RNF130: variants seen among roughly 807,000 people sequenced by gnomAD.
RNF130 encodes the protein ring finger protein 130.
In RNF130, 21 loss-of-function variants were observed where a neutral mutation model predicts 44.6. That is an observed-to-expected ratio of 0.47 (90% CI 0.33 to 0.68). The LOEUF is 0.68. RNF130 is among the 30% of genes least tolerant of loss of function. RNF130 has a pLI of 0.02. For synonymous variants in RNF130, 214 were observed against 210.4 expected, an observed-to-expected ratio of 1.02 and a Z score of -0.15; for missense variants, 479 against 560.6, an observed-to-expected ratio of 0.85 and a Z score of 1.47.
At chr5:179,928,822 G>A (rs1328270371) in intron 7 of RNF130, among the ~76,000 whole-genome samples, 2 of 151,932 alleles carry the variant, frequency 1.3e-5, no homozygotes, top group Non-Finnish European at 2.9e-5. Context: ...TAGAGACGGG[G>A]TTTCAACCGT....
rs779943315 is a variant in RNF130, at chr5:180,071,634, C to G, written c.69G>C (p.Trp23Cys). 9.3e-6 allele frequency: 14 copies of G among 1,497,910 alleles called. No individual in the cohort carries two copies. The Admixed American group carries it at 2.3e-4, about 24-fold the overall frequency. 92.8% of individuals were successfully genotyped at this position (1,497,910 alleles called of 1,614,324 possible). The part of the protein sequence containing the change: ...AALALLTCSL[W>C]PARADNASQE... ...GGCTCGCGTTGTCTGCCCGTGCCGG[C>G]CACAGGCTGCAGGTCAGCAGGGCGA... Residue 23 changes from tryptophan (W) to cysteine (C), a missense_variant, in exon 1 of 9, where the codon TGG (tryptophan) becomes TGC (cysteine). Physicochemically the swap from Trp to Cys is radical, Grantham distance 215 (BLOSUM62 -2). Coordinates refer to ENST00000521389, the MANE Select transcript of RNF130 (RefSeq NM_018434.6).
chr5:179,988,580 T>C (rs1763006229), intron 3 of RNF130, among the ~76,000 whole-genome samples: 1 of 151,940 alleles, frequency 6.6e-6, no homozygotes, highest in Non-Finnish European at 1.5e-5. Flanking sequence ...CTGTATCTTG[T>C]AGGTTTTGGT....
chr5:180,048,521 C>G (rs1414428672), intron 1 of RNF130, among the ~76,000 whole-genome samples: 1 of 151,958 alleles, frequency 6.6e-6, no homozygotes, highest in Non-Finnish European at 1.5e-5. Flanking sequence ...GCCTGTAATC[C>G]CAGCACTTTG....
chr5:180,040,313 C>G, intron 2 of RNF130, 140 bp downstream of exon 2: 1 of 739,584 alleles, frequency 1.4e-6, no homozygotes, highest in Non-Finnish European at 2.2e-6. Flanking sequence ...GGGGAAAAAA[C>G]ATGCATCCCA....
intron 7 of RNF130, 83 bp downstream of exon 7, chr5:179,966,723 C>A (rs754530377): frequency 5.0e-6 from 6 of 1,202,900 alleles, no homozygotes; most frequent in Non-Finnish European, 7.2e-6. Context: ...CAGGCTGAGG[C>A]GAGTGCCTTG....
At chr5:180,031,540 C>T (rs890976857) in intron 2 of RNF130, among the ~76,000 whole-genome samples, 1 of 152,100 alleles carries the variant, frequency 6.6e-6, no homozygotes, top group African/African-American at 2.4e-5. Context: ...AGCTTTTTGA[C>T]TGTGTGGGGG....
chr5:179,935,979 G>A (rs1002191165), intron 7 of RNF130, among the ~76,000 whole-genome samples: 1 of 152,116 alleles, frequency 6.6e-6, no homozygotes, highest in African/African-American at 2.4e-5. Flanking sequence ...CACACATCGA[G>A]CAGCACTTAG....
chr5:179,955,615 T>C lies in RNF130; in HGVS notation c.*39A>G. 2 of 1,561,936 alleles carry C rather than the reference T, an allele frequency of 1.3e-6. No individual in the cohort carries two copies. Among genetic ancestry groups the C allele is most frequent in the East Asian group, 4.5e-5 (2 of 44,494 alleles). Reference sequence around the variant, plus strand: ...TGCACAAAAATAGGTTCTTTTTTCCTTCAAGGCAAAATCAGTCAGAAAGCA... The same window carrying C: ...TGCACAAAAATAGGTTCTTTTTTCCCTCAAGGCAAAATCAGTCAGAAAGCA... On this transcript the variant is annotated 3_prime_UTR_variant, in exon 9 of 9. Transcript: ENST00000521389.
intron 4 of RNF130, among the ~76,000 whole-genome samples, chr5:179,979,152 G>A (rs1762775979): frequency 6.6e-6 from 1 of 151,352 alleles, no homozygotes; most frequent in Admixed American, 6.6e-5. Context: ...TGGCAGCTGA[G>A]GCTACCAGGC....
At chr5:179,978,643 T>C (rs1299008142) in intron 4 of RNF130, among the ~76,000 whole-genome samples, 2 of 152,186 alleles carry the variant, frequency 1.3e-5, no homozygotes, top group Admixed American at 6.5e-5. Flanking sequence ...TTCACTGCTA[T>C]GTTTGACACA....
intron 7 of RNF130, among the ~76,000 whole-genome samples, chr5:179,929,189 C>T (rs182554650): frequency 1.3e-5 from 2 of 152,248 alleles, no homozygotes; most frequent in Admixed American, 6.5e-5. Context: ...TATAAATATT[C>T]AGTGGAGCCA....
intron 3 of RNF130, among the ~76,000 whole-genome samples, chr5:179,986,168 G>A (rs1103811): frequency 0.26 from 39,908 of 152,082 alleles, 6,285 homozygotes; most frequent in African/African-American, 0.45. Flanking sequence ...GCTGCAAAAG[G>A]TATTTAGCAA....
At chr5:180,028,781 AT>A (rs1363095558) in intron 2 of RNF130, among the ~76,000 whole-genome samples, 1 of 152,156 alleles carries the variant, frequency 6.6e-6, no homozygotes, top group Non-Finnish European at 1.5e-5. Context: ...TTGATTAACT[AT>A]TTTTTTGTAC....
At chr5:179,986,209 A>G (rs1436725527) in intron 3 of RNF130, among the ~76,000 whole-genome samples, 1 of 152,222 alleles carries the variant, frequency 6.6e-6, no homozygotes, top group Non-Finnish European at 1.5e-5. Flanking sequence ...CTGTTGGTGT[A>G]GCTATAGCAA....
chr5:180,028,517 TG>T (rs1764045160), intron 2 of RNF130, among the ~76,000 whole-genome samples: 2 of 151,354 alleles, frequency 1.3e-5, no homozygotes, highest in South Asian at 4.2e-4. Context: ...ATGCAGGGCC[TG>T]GCACAATGAA....
chr5:179,982,307 G>T lies in RNF130; in HGVS notation c.694-2107C>A, dbSNP rs542376281. On this transcript the variant is annotated intron_variant, in intron 3 of 8. Coordinates refer to ENST00000521389, the MANE Select transcript of RNF130 (RefSeq NM_018434.6). ...CCTTTCACCTGTTGATGGGACATCT[G>T]CACTGTGGTCCAGTTTTTGGCTGTA... 7.9e-5 allele frequency among the ~76,000 whole-genome samples: 12 copies of T among 151,632 alleles called. No homozygotes were observed. In the East Asian group the frequency reaches 2.1e-3, roughly 27 times the overall value.
In RNF130 at chr5:180,071,473, G is replaced by T; in HGVS notation, c.230C>A (p.Pro77Gln). ...KAEVRGQVLA[P>Q]LPLHGVADHL... Reference sequence around the variant, plus strand: ...GCACTCACCTCCGTGGAGGGGCAGCGGCGCCAGCACCTGGCCGCGGACCTC... The same window carrying T: ...GCACTCACCTCCGTGGAGGGGCAGCTGCGCCAGCACCTGGCCGCGGACCTC... The change falls in exon 1 of 9, where the codon CCG becomes CAG. Residue 77 changes from proline to glutamine, a missense_variant. Pro to Gln is a moderately conservative substitution (Grantham distance 76, BLOSUM62 -1). This residue lies in a region of RNF130 where 138 missense variants were observed against 126.9 expected (regional missense o/e 1.09). Coordinates refer to ENST00000521389, the MANE Select transcript of RNF130 (RefSeq NM_018434.6). 1 of 1,246,816 alleles carries T rather than the reference G, an allele frequency of 8.0e-7. No homozygotes were observed. Among genetic ancestry groups the T allele is most frequent in the South Asian group, 3.4e-5 (1 of 29,352 alleles). 77.2% of individuals were successfully genotyped at this position (1,246,816 alleles called of 1,614,324 possible).
intron 7 of RNF130, among the ~76,000 whole-genome samples, chr5:179,936,402 T>C (rs1351785602): frequency 6.6e-6 from 1 of 152,036 alleles, no homozygotes; most frequent in Non-Finnish European, 1.5e-5. Context: ...TATATTTTAA[T>C]TTTTTTTGTA....
downstream of RNF130, among the ~76,000 whole-genome samples, chr5:179,951,710 G>GT (rs1762129443): frequency 6.6e-6 from 1 of 152,116 alleles, no homozygotes; most frequent in Admixed American, 6.5e-5. Context: ...ATCATACAAA[G>GT]TATGTTCTCC....
Sources: allele counts gnomAD v4.1 joint callset (sites outside exome capture counted in the v4.1 genomes callset), GRCh38; gene constraint gnomAD v4.1.1; regional missense constraint gnomAD v4.1.1; transcripts MANE v1.5; gene names NCBI Gene and HGNC (gene_info 2026-07-23, HGNC 2026-07-21).